The following FAM20A variants were observed in gnomAD, a reference collection of about 807,000 sequenced individuals.
FAM20A encodes the protein FAM20A golgi associated secretory pathway pseudokinase, also known as pseudokinase FAM20A.
In FAM20A, 42 loss-of-function variants were observed where a neutral mutation model predicts 52.0. The ratio of observed to expected loss-of-function variants is 0.81; its 90% CI spans 0.63 to 1.04. FAM20A has a LOEUF of 1.04. FAM20A is among the 50% of genes least tolerant of loss of function. FAM20A has a pLI of 0.00. For synonymous variants in FAM20A, 304 were observed against 298.9 expected, an observed-to-expected ratio of 1.02 and a Z score of -0.18; for missense variants, 742 against 712.7, an observed-to-expected ratio of 1.04 and a Z score of -0.47.
At chr17:68,540,690 C>CT (rs2086246544) in intron 8 of FAM20A, 159 bp downstream of exon 8, 2 of 895,624 alleles carry the variant, frequency 2.2e-6, no homozygotes, top group Non-Finnish European at 3.5e-6. Context: ...AGCCTGTTAC[C>CT]TTCTGTCCTC....
At position 68,535,668 on chromosome 17, in the gene FAM20A, A is replaced by AT; in HGVS notation, c.*1808_*1809insA. 4.5e-6 allele frequency: 2 copies of AT among 447,946 alleles called. No individual in the cohort carries two copies. Among genetic ancestry groups the AT allele is most frequent in the Admixed American group, 2.4e-5 (1 of 41,272 alleles). The allele number at this position is 447,946 out of a possible 1,614,324, so 27.7% of individuals were successfully genotyped here. A position where few individuals can be genotyped will look rare whatever the true frequency, so the allele number is the denominator to read the frequency against. ...CTGTTAAAGAGTTGATTTAAAAAAA[A>AT]ATTTTTTTTTTTTTGTATTTTTTTG... On this transcript the variant is annotated 3_prime_UTR_variant, in exon 11 of 11. Coordinates refer to ENST00000592554, the MANE Select transcript of FAM20A (RefSeq NM_017565.4).
At chr17:68,542,590 G>T in intron 6 of FAM20A, 104 bp downstream of exon 6, 1 of 873,736 alleles carries the variant, frequency 1.1e-6, no homozygotes, top group Non-Finnish European at 1.9e-6. Context: ...CCCAGTAATG[G>T]ATAGTGCTAG....
chr17:68,542,838 G>C, intron 5 of FAM20A, 29 bp from the exon 6 acceptor site: 1 of 1,546,224 alleles, frequency 6.5e-7, no homozygotes, highest in Non-Finnish European at 8.9e-7. Context: ...TGTTCCATCT[G>C]AGGGATGATC....
chr17:68,584,347 CA>C (rs11471248), intron 1 of FAM20A, among the ~76,000 whole-genome samples: 21 of 124,714 alleles, frequency 1.7e-4, no homozygotes, highest in East Asian at 8.8e-4. Context: ...CAAAACAAAA[CA>C]AAAAAAAAAC....
chr17:68,553,943 T>C (rs983296528), intron 3 of FAM20A, among the ~76,000 whole-genome samples: 2 of 135,956 alleles, frequency 1.5e-5, no homozygotes, highest in Non-Finnish European at 3.0e-5. Context: ...TATACATATA[T>C]ACACACATAT....
intron 5 of FAM20A, among the ~76,000 whole-genome samples, 200 bp downstream of exon 5, chr17:68,543,429 G>A (rs147961496): frequency 5.5e-4 from 83 of 152,258 alleles, no homozygotes; most frequent in African/African-American, 1.7e-3. Context: ...CGTTACATTC[G>A]TTAAAAGGCC....
intron 10 of FAM20A, among the ~76,000 whole-genome samples, chr17:68,538,564 C>T (rs1170986558): frequency 6.6e-6 from 1 of 152,226 alleles, no homozygotes; most frequent in African/African-American, 2.4e-5. Context: ...GTTAGACATT[C>T]TCTAGAGAAA....
chr17:68,550,935 T>C, intron 4 of FAM20A: 1 of 564,010 alleles, frequency 1.8e-6, no homozygotes, highest in Non-Finnish European at 2.6e-6. Flanking sequence ...CTTAGAACCA[T>C]CTACTGGGGC....
Position 68,542,214 on chromosome 17 carries a change from C to G in FAM20A, c.929-49G>C. ...AGGAGTAAGTGGAGGGCTCTGGAGG[C>G]ATGACATCTTCCTGGCCTAGGAAAT... is the stretch of plus-strand genomic sequence containing the variant. On this transcript the variant is annotated intron_variant, in intron 6 of 10. Transcript: ENST00000592554. 6 of 1,599,188 alleles carry G rather than the reference C, an allele frequency of 3.8e-6. No homozygotes were observed. In the South Asian group the frequency reaches 6.6e-5, roughly 18 times the overall value.
rs756081450 is a variant in FAM20A, at chr17:68,600,543, G to A, written c.124C>T (p.Arg42Trp). 3 of 1,560,080 alleles carry A rather than the reference G, an allele frequency of 1.9e-6. No homozygotes were observed. Among genetic ancestry groups the A allele is most frequent in the Admixed American group, 3.9e-5 (2 of 51,848 alleles). The change falls in exon 1 of 11, where the codon CGG (arginine) becomes TGG (tryptophan). Residue 42 changes from arginine (R) to tryptophan (W), a missense_variant. Transcript: ENST00000592554. The surrounding 1 kb of genome is among the most constrained non-coding windows in gnomAD (Gnocchi z 6.2). ...GCGCGGCCGGTGCACGGGCACCCCC[G>A]CGGGCGCTCCCGAGGCCGCAGCTGG... Reference protein sequence around the residue: ...QRQLRPRERPRGCPCTGRASS... With the variant: ...QRQLRPRERPWGCPCTGRASS...
chr17:68,540,009 G>A (rs1032517943), intron 8 of FAM20A, 43 bp from the exon 9 acceptor site: 4 of 1,553,064 alleles, frequency 2.6e-6, no homozygotes, highest in Non-Finnish European at 3.6e-6. Flanking sequence ...GCAGGCCAGG[G>A]GGACAGGTGC....
At chr17:68,558,011 G>T (rs1242815574) in intron 1 of FAM20A, among the ~76,000 whole-genome samples, 1 of 152,052 alleles carries the variant, frequency 6.6e-6, no homozygotes. Context: ...TGATTGAATC[G>T]CATGAGCCCT....
chr17:68,551,383 C>A, intron 4 of FAM20A: 1 of 345,680 alleles, frequency 2.9e-6, no homozygotes, highest in Admixed American at 4.7e-5. Context: ...TTGTGGTATA[C>A]AAGTCCGTAA....
In FAM20A at chr17:68,600,356, G is replaced by A; in HGVS notation, c.311C>T (p.Pro104Leu). The A allele has an allele frequency of 1.2e-6, 2 of 1,600,386 alleles. No homozygotes were observed. The highest frequency in any genetic ancestry group is 1.3e-5 in the African/African-American group (1 of 74,750). ...GGCTCCCAGGAGAGGCGGCTCCTCC[G>A]GGACGTTGTACAGCGGGTGGGCGAA... ...ALFAHPLYNVPEEPPLLGAED... is the reference protein window; with the variant it reads ...ALFAHPLYNVLEEPPLLGAED... Residue 104 changes from proline to leucine, a missense_variant, in exon 1 of 11, where the codon CCG becomes CTG. Pro to Leu is a moderately conservative substitution (Grantham distance 98, BLOSUM62 -3). Coordinates refer to ENST00000592554, the MANE Select transcript of FAM20A (RefSeq NM_017565.4). This position sits in a 1 kb window ranked among gnomAD's most constrained non-coding sequence, Gnocchi z 6.2.
chr17:68,540,915 A>G lies in FAM20A; in HGVS notation c.1153T>C (p.Tyr385His). The G allele has an allele frequency of 6.2e-7, 1 of 1,603,410 alleles. No individual in the cohort carries two copies. The highest frequency in any genetic ancestry group is 8.5e-7 in the Non-Finnish European group (1 of 1,174,870). ...AGCCGCTGGCTGTTGTTGTACGGGT[A>G]GATCTGTTTCACTGTGTCACAGTAA... ...PLYCDTVKQI[Y>H]PYNNSQRLLN... The change falls in exon 8 of 11, where the codon TAC (tyrosine) becomes CAC (histidine). Residue 385 changes from tyrosine to histidine, a missense_variant. Physicochemically the swap from Tyr to His is moderately conservative, Grantham distance 83 (BLOSUM62 2). Transcript: ENST00000592554.
intron 8 of FAM20A, 79 bp downstream of exon 8, chr17:68,540,770 G>A: frequency 6.5e-7 from 1 of 1,529,242 alleles, no homozygotes; most frequent in South Asian, 1.2e-5. Flanking sequence ...CAGGTTGTAA[G>A]TTTGTGCTCA....
At chr17:68,598,653 T>C (rs933997375) in intron 1 of FAM20A, among the ~76,000 whole-genome samples, 1 of 152,214 alleles carries the variant, frequency 6.6e-6, no homozygotes, top group Non-Finnish European at 1.5e-5. Context: ...GGTGTAGAAA[T>C]CAAGCTTAAA....
At chr17:68,578,045 A>G (rs1181389208) in intron 1 of FAM20A, among the ~76,000 whole-genome samples, 1 of 152,132 alleles carries the variant, frequency 6.6e-6, no homozygotes, top group African/African-American at 2.4e-5. Flanking sequence ...AGCAAGTGAC[A>G]TTGGATAGAC....
intron 1 of FAM20A, among the ~76,000 whole-genome samples, chr17:68,565,867 A>G (rs1476443513): frequency 6.6e-6 from 1 of 152,048 alleles, no homozygotes; most frequent in Non-Finnish European, 1.5e-5. Context: ...GCAAGCACTT[A>G]TTTCCCTCCT....
Sources: gnomAD v4.1 joint callset for allele counts (sites outside exome capture counted in the v4.1 genomes callset) on GRCh38, gnomAD v4.1.1 for gene constraint, Gnocchi (gnomAD v3.1) non-coding constraint, MANE v1.5 for transcripts, NCBI Gene and HGNC (gene_info 2026-07-23, HGNC 2026-07-21) for gene names.